PEBP4: variants seen among roughly 807,000 people sequenced by gnomAD.
PEBP4 encodes the protein phosphatidylethanolamine-binding protein 4.
In PEBP4, 22 loss-of-function variants were observed where a neutral mutation model predicts 23.9. The ratio of observed to expected loss-of-function variants is 0.92; its 90% CI spans 0.66 to 1.31. The LOEUF is 1.31. Ranked by LOEUF, PEBP4 falls within the 40% of genes most tolerant of loss-of-function variation. The pLI, the probability that PEBP4 is intolerant of heterozygous loss-of-function variation, is 0.00. For synonymous variants in PEBP4, 112 were observed against 99.3 expected, an observed-to-expected ratio of 1.13 and a Z score of -0.76; for missense variants, 324 against 281.7, an observed-to-expected ratio of 1.15 and a Z score of -1.07.
At chr8:22,893,998 C>T (rs531725450) in intron 3 of PEBP4, among the ~76,000 whole-genome samples, 1 of 152,270 alleles carries the variant, frequency 6.6e-6, no homozygotes, top group East Asian at 1.9e-4. Context: ...GAAAACTACA[C>T]CAAACACATC....
chr8:22,735,831 C>T (rs1414398620), intron 4 of PEBP4, among the ~76,000 whole-genome samples: 2 of 152,230 alleles, frequency 1.3e-5, no homozygotes, highest in African/African-American at 2.4e-5. Flanking sequence ...GACCCCCAAA[C>T]CCAAACACCT....
chr8:22,714,866 G>A (rs1804381758), intron 6 of PEBP4, among the ~76,000 whole-genome samples: 1 of 152,180 alleles, frequency 6.6e-6, no homozygotes, highest in African/African-American at 2.4e-5. Flanking sequence ...TCAAGGAGAG[G>A]ATAATTTTTA....
intron 4 of PEBP4, among the ~76,000 whole-genome samples, chr8:22,764,936 G>A (rs1446263125): frequency 2.6e-5 from 4 of 152,114 alleles, no homozygotes; most frequent in African/African-American, 7.2e-5. Flanking sequence ...GGACCAGTGG[G>A]TCAGAGAGAG....
At chr8:22,849,080 G>A (rs1443546128) in intron 3 of PEBP4, among the ~76,000 whole-genome samples, 1 of 152,222 alleles carries the variant, frequency 6.6e-6, no homozygotes, top group Non-Finnish European at 1.5e-5. Flanking sequence ...GGGACTCTCA[G>A]TTCTGTGCTT....
At chr8:22,918,141 T>C (rs78814918) in intron 3 of PEBP4, among the ~76,000 whole-genome samples, 1,843 of 152,352 alleles carry the variant, frequency 0.012, 40 homozygotes, top group African/African-American at 0.041. Flanking sequence ...GTCCGAGTAG[T>C]GCCCAGGAAT....
rs1366810202 is a variant in PEBP4 at position 22,727,234 on chromosome 8, C to T, written c.358-14G>A. ...CAGGTCGGCGCCCTGAAAGAAGAGA[C>T]AAGCAGGGCTGTAGGTTATGTCTTG... On this transcript the variant is annotated splice_polypyrimidine_tract_variant and intron_variant, in intron 4 of 6. Coordinates refer to ENST00000256404, the MANE Select transcript of PEBP4 (RefSeq NM_144962.3). The T allele has an allele frequency of 1.9e-6, 3 of 1,613,100 alleles. No homozygotes were observed. In the South Asian group the frequency reaches 3.3e-5, roughly 18 times the overall value.
At chr8:22,887,969 ATAATT>A (rs1323014792) in intron 3 of PEBP4, 2 of 152,098 alleles carry the variant, frequency 1.3e-5, no homozygotes, top group African/African-American at 2.4e-5. Flanking sequence ...CTAACTCAAA[ATAATT>A]TAATAACAAC....
intron 3 of PEBP4, among the ~76,000 whole-genome samples, chr8:22,842,401 T>G (rs1458988010): frequency 6.6e-6 from 1 of 152,160 alleles, no homozygotes; most frequent in African/African-American, 2.4e-5. Context: ...AACGGTTCAT[T>G]TGGACCCAGG....
intron 6 of PEBP4, among the ~76,000 whole-genome samples, chr8:22,722,568 CACAATTAAGTGTTTAATT>C (rs1259585608): frequency 2.6e-5 from 4 of 152,224 alleles, no homozygotes; most frequent in Non-Finnish European, 5.9e-5. Context: ...GTTAGAATCA[CACAATTAAGTGTTTAATT>C]ACAACCTGCT....
At chr8:22,777,618 T>C (rs1805838770) in intron 4 of PEBP4, among the ~76,000 whole-genome samples, 1 of 152,170 alleles carries the variant, frequency 6.6e-6, no homozygotes, top group Admixed American at 6.5e-5. Context: ...TACAGGGTTC[T>C]CTTCTCACTC....
intron 3 of PEBP4, among the ~76,000 whole-genome samples, chr8:22,864,063 G>A (rs762496327): frequency 5.9e-5 from 9 of 152,068 alleles, no homozygotes; most frequent in Admixed American, 6.5e-5. Context: ...CTCCAGCCCC[G>A]CCTTGCTCCT....
chr8:22,773,955 G>T (rs1479525266), intron 4 of PEBP4, among the ~76,000 whole-genome samples: 1 of 152,144 alleles, frequency 6.6e-6, no homozygotes, highest in Non-Finnish European at 1.5e-5. Flanking sequence ...TACACAGGGG[G>T]TAGGGTAGAG....
intron 6 of PEBP4, among the ~76,000 whole-genome samples, chr8:22,722,187 A>G (rs1804532780): frequency 6.6e-6 from 1 of 152,128 alleles, no homozygotes; most frequent in Non-Finnish European, 1.5e-5. Flanking sequence ...TCACTTAAAA[A>G]AAAAAAATCT....
chr8:22,741,217 G>T (rs775913769), intron 4 of PEBP4, among the ~76,000 whole-genome samples: 1 of 152,206 alleles, frequency 6.6e-6, no homozygotes, highest in Non-Finnish European at 1.5e-5. Flanking sequence ...CAAGCCAGCT[G>T]CCATCTCTGC....
chr8:22,833,518 G>A lies in PEBP4; in HGVS notation c.259-15783C>T, dbSNP rs1337712935. Among the ~76,000 whole-genome samples the A allele has an allele frequency of 6.6e-5, 10 of 152,302 alleles. No individual in the cohort carries two copies. In the East Asian group the frequency reaches 1.7e-3, roughly 26 times the overall value. On this transcript the variant is annotated intron_variant, in intron 3 of 6. Transcript: ENST00000256404. ...AGCTGATGTTTGTATTTTTGGTAGA[G>A]ATGGGGTTTCACCATGTTGGCCAGG... is the stretch of plus-strand genomic sequence containing the variant.
intron 4 of PEBP4, among the ~76,000 whole-genome samples, chr8:22,747,180 AT>A (rs1805140115): frequency 6.6e-6 from 1 of 152,254 alleles, no homozygotes; most frequent in Non-Finnish European, 1.5e-5. Context: ...AAATTATTTA[AT>A]TTGAATTAAT....
upstream of PEBP4, among the ~76,000 whole-genome samples, chr8:22,932,896 T>C (rs1397933035): frequency 6.6e-6 from 1 of 151,236 alleles, no homozygotes; most frequent in Admixed American, 6.6e-5. Context: ...TCCCAGCTAT[T>C]TGGGAGGCTA....
chr8:22,791,518 C>T (rs188686721), intron 4 of PEBP4, among the ~76,000 whole-genome samples: 386 of 152,208 alleles, frequency 2.5e-3, no homozygotes, highest in Non-Finnish European at 4.7e-3. Flanking sequence ...CTGTGGGCTT[C>T]TCCTTTTGAT....
At chr8:22,807,229 G>A (rs921023908) in intron 4 of PEBP4, among the ~76,000 whole-genome samples, 25 of 152,132 alleles carry the variant, frequency 1.6e-4, no homozygotes, top group African/African-American at 6.0e-4. Flanking sequence ...TTGTAAGAGG[G>A]GACAGAGCAG....
Sources: gnomAD v4.1 joint callset for allele counts (sites outside exome capture counted in the v4.1 genomes callset) on GRCh38, gnomAD v4.1.1 for gene constraint, MANE v1.5 for transcripts, NCBI Gene and HGNC (gene_info 2026-07-23, HGNC 2026-07-21) for gene names.